PTDSS2: variants seen among roughly 807,000 people sequenced by gnomAD.
PTDSS2 encodes the protein PSS-2.
PTDSS2 carries 41 observed loss-of-function variants against 64.7 expected under a neutral mutation model. That is an observed-to-expected ratio of 0.63 (90% confidence interval 0.49 to 0.82). The LOEUF is 0.82. PTDSS2 is among the 40% of genes least tolerant of loss of function. PTDSS2 has a pLI of 0.00. For synonymous variants in PTDSS2, 297 were observed against 277.8 expected, an observed-to-expected ratio of 1.07 and a Z score of -0.69; for missense variants, 485 against 650.0, an observed-to-expected ratio of 0.75 and a Z score of 2.76.
Position 462,754 on chromosome 11 carries a change from G to A in PTDSS2, c.284+2466G>A, listed in dbSNP as rs963362834. Reference sequence around the variant, plus strand: ...CAGGGTGTCCACACAGAGGGTGTCCGCACACAGGGTGCCCACACACAGGGT... The same window carrying A: ...CAGGGTGTCCACACAGAGGGTGTCCACACACAGGGTGCCCACACACAGGGT... On this transcript the variant is annotated intron_variant, in intron 2 of 11. Coordinates refer to ENST00000308020, the MANE Select transcript of PTDSS2 (RefSeq NM_030783.3). The surrounding 1 kb of genome is among the most constrained non-coding windows in gnomAD (Gnocchi z 4.5). Among the ~76,000 whole-genome samples, 5 of 152,074 alleles carry A rather than the reference G, an allele frequency of 3.3e-5. No homozygotes were observed. The highest frequency in any genetic ancestry group is 2.1e-4 in the South Asian group (1 of 4,830).
At chr11:464,456 C>T (rs939064766) in intron 2 of PTDSS2, among the ~76,000 whole-genome samples, 3 of 151,966 alleles carry the variant, frequency 2.0e-5, no homozygotes, top group Non-Finnish European at 4.4e-5. Context: ...CACCCCGGCT[C>T]GGGCAGTGCG....
chr11:477,855 C>T (rs920153723), intron 3 of PTDSS2, among the ~76,000 whole-genome samples: 27 of 152,336 alleles, frequency 1.8e-4, no homozygotes, highest in African/African-American at 6.5e-4. Context: ...TCTTCTTATC[C>T]CAAGGCGTGA....
chr11:452,177 G>A (rs1481112638), intron 1 of PTDSS2, among the ~76,000 whole-genome samples: 14 of 152,316 alleles, frequency 9.2e-5, no homozygotes, highest in Admixed American at 7.8e-4. Flanking sequence ...CTGAGGTCCC[G>A]GAGCGAGGAG....
chr11:452,632 C>G (rs1233740684), intron 1 of PTDSS2, among the ~76,000 whole-genome samples: 1 of 152,176 alleles, frequency 6.6e-6, no homozygotes, highest in Non-Finnish European at 1.5e-5. Context: ...GTGGGTGGCT[C>G]TGGCTCTGGC....
chr11:486,479 C>T lies in PTDSS2; in HGVS notation c.436-460C>T, dbSNP rs1458925687. On this transcript the variant is annotated intron_variant, in intron 4 of 11. Coordinates refer to ENST00000308020, the MANE Select transcript of PTDSS2 (RefSeq NM_030783.3). ...CCCACGCGCTGCCCCACCAGGATTT[C>T]CCTGGGGTGGGGAGGGCTGCTGAGA... Among the ~76,000 whole-genome samples, 4 of 152,182 alleles carry T rather than the reference C, an allele frequency of 2.6e-5. No individual in the cohort carries two copies. The East Asian group carries it at 5.8e-4, about 22-fold the overall frequency.
intron 8 of PTDSS2, 36 bp from the exon 9 acceptor site, chr11:489,364 C>G: frequency 6.3e-7 from 1 of 1,579,402 alleles, no homozygotes; most frequent in Non-Finnish European, 8.7e-7. Flanking sequence ...GTTCGGTGGG[C>G]TGCCTTCCTC....
intron 7 of PTDSS2, 77 bp downstream of exon 7, chr11:488,389 C>A (rs11822000): frequency 0.18 from 252,736 of 1,369,654 alleles, 24,104 homozygotes; most frequent in African/African-American, 0.29. Flanking sequence ...CCAGCGCGGC[C>A]CCTGGACCCC....
At chr11:469,762 G>A (rs556603281) in intron 2 of PTDSS2, among the ~76,000 whole-genome samples, 3 of 152,134 alleles carry the variant, frequency 2.0e-5, no homozygotes, top group East Asian at 1.9e-4. Context: ...TCCAGTCCAC[G>A]GGGCCAGGGC....
chr11:456,341 ATT>A (rs34526529), intron 1 of PTDSS2, among the ~76,000 whole-genome samples: 3 of 135,776 alleles, frequency 2.2e-5, no homozygotes, highest in East Asian at 2.1e-4. Flanking sequence ...CATCCAGTTA[ATT>A]TTTTTTTTTT....
chr11:478,475 A>G (rs1317170700), intron 3 of PTDSS2, among the ~76,000 whole-genome samples: 1 of 151,614 alleles, frequency 6.6e-6, no homozygotes, highest in Non-Finnish European at 1.5e-5. Context: ...GGCCAGCCAC[A>G]GTAGCTCACA....
At chr11:457,100 C>G (rs1391346306) in intron 1 of PTDSS2, among the ~76,000 whole-genome samples, 1 of 152,198 alleles carries the variant, frequency 6.6e-6, no homozygotes, top group African/African-American at 2.4e-5. Context: ...AAAATCCAAC[C>G]TGACCCACAT....
chr11:457,278 C>T (rs1156572521), intron 1 of PTDSS2, among the ~76,000 whole-genome samples: 2 of 152,264 alleles, frequency 1.3e-5, no homozygotes, highest in Non-Finnish European at 2.9e-5. Context: ...GCCACAACCA[C>T]GCTCACACCA....
intron 2 of PTDSS2, among the ~76,000 whole-genome samples, chr11:471,715 T>G: frequency 7.8e-6 from 1 of 127,616 alleles, no homozygotes. Flanking sequence ...TGGCCTGGGG[T>G]GACGTGGATG....
At chr11:449,868 A>C (rs1846238368), upstream of PTDSS2, among the ~76,000 whole-genome samples, 1 of 152,204 alleles carries the variant, frequency 6.6e-6, no homozygotes, top group Non-Finnish European at 1.5e-5. Flanking sequence ...GAATCGTTTG[A>C]ATCCGAGAGG....
At chr11:469,621 G>A (rs1388938458) in intron 2 of PTDSS2, among the ~76,000 whole-genome samples, 1 of 152,098 alleles carries the variant, frequency 6.6e-6, no homozygotes, top group Non-Finnish European at 1.5e-5. Flanking sequence ...GACAAAGATG[G>A]TTAAACAGTG....
intron 2 of PTDSS2, among the ~76,000 whole-genome samples, chr11:464,263 G>A (rs1329751543): frequency 3.9e-5 from 6 of 152,164 alleles, no homozygotes; most frequent in African/African-American, 9.7e-5. Flanking sequence ...GATTACAGGC[G>A]TGAGCCACTG....
At chr11:458,958 C>T (rs1339604105) in intron 1 of PTDSS2, 1 of 152,278 alleles carries the variant, frequency 6.6e-6, no homozygotes, top group Admixed American at 6.5e-5. Flanking sequence ...AAGTCAGAAG[C>T]TTCCCCATTT....
chr11:482,740 T>C (rs115244303), intron 4 of PTDSS2, among the ~76,000 whole-genome samples: 5,649 of 149,048 alleles, frequency 0.038, 288 homozygotes, highest in African/African-American at 0.12. Context: ...GTGAGTTTTT[T>C]GTAGATCTCC....
Position 460,123 on chromosome 11 carries a change from T to TGA in PTDSS2, c.183-64_183-63insGA. ...GACGTAGAGAGGATTTGGGGCCTGT[T>TGA]ACGTGAGTATTTAGCAATGCTGCCC... On this transcript the variant is annotated intron_variant, in intron 1 of 11. Coordinates refer to ENST00000308020, the MANE Select transcript of PTDSS2 (RefSeq NM_030783.3). The surrounding 1 kb of genome is among the most constrained non-coding windows in gnomAD (Gnocchi z 5.8). 7.6e-7 allele frequency: 1 copy of TGA among 1,318,244 alleles called. No individual in the cohort carries two copies. Among genetic ancestry groups the TGA allele is most frequent in the Non-Finnish European group, 1.1e-6 (1 of 916,680 alleles). The allele number at this position is 1,318,244 out of a possible 1,614,324, so 81.7% of individuals were successfully genotyped here.
Sources: allele counts gnomAD v4.1 joint callset (sites outside exome capture counted in the v4.1 genomes callset), GRCh38; gene constraint gnomAD v4.1.1; non-coding constraint Gnocchi (gnomAD v3.1); transcripts MANE v1.5; gene names NCBI Gene and HGNC (gene_info 2026-07-23, HGNC 2026-07-21).